Variants in DKC1 observed in about 807,000 individuals in gnomAD.
DKC1 encodes H/ACA ribonucleoprotein complex subunit DKC1.
In DKC1, 4 loss-of-function variants were observed where a neutral mutation model predicts 46.7. The ratio of observed to expected loss-of-function variants is 0.09; its 90% CI spans 0.04 to 0.20. The LOEUF (loss-of-function observed/expected upper bound fraction) is 0.20. DKC1 is among the 10% of genes least tolerant of loss of function. The probability of loss-of-function intolerance (pLI) is 1.00; values close to 1 mark genes in which losing one functional copy is unlikely to be tolerated. For missense variants in DKC1, 171 were observed against 404.2 expected, an observed-to-expected ratio of 0.42 and a Z score of 4.95; for synonymous variants, 141 against 142.4, an observed-to-expected ratio of 0.99 and a Z score of 0.07.
At chrX:154,765,335 C>T in intron 2 of DKC1, 109 bp from the exon 3 acceptor site, 1 of 658,804 alleles carries the variant, frequency 1.5e-6, no homozygotes, top group Non-Finnish European at 2.6e-6. Context: ...AGTGAAAAGG[C>T]ATAGGAAGCC....
At position 154,775,179 on chromosome X, in the gene DKC1, G is replaced by A; in HGVS notation, c.1260-16G>A. 8.3e-7 allele frequency: 1 copy of A among 1,207,285 alleles called. No homozygotes were observed. The highest frequency in any genetic ancestry group is 1.1e-6 in the Non-Finnish European group (1 of 891,245). ...AGCCATTCAGTGAATTTGACCTATTGCTACCTCTTTTTCAGTGAGTCTGCC... is the reference window on the plus strand; with the variant it reads ...AGCCATTCAGTGAATTTGACCTATTACTACCTCTTTTTCAGTGAGTCTGCC... On this transcript the variant is annotated splice_polypyrimidine_tract_variant and intron_variant, in intron 12 of 14. Transcript: ENST00000369550.
At position 154,776,281 on chromosome X, in the gene DKC1, A is replaced by C; in HGVS notation, c.1433A>C (p.Lys478Thr). 8.3e-7 allele frequency: 1 copy of C among 1,208,884 alleles called. No homozygotes were observed. Among genetic ancestry groups the C allele is most frequent in the Non-Finnish European group, 1.1e-6 (1 of 893,689 alleles). ...KEKKKSKKDK[K>T]AKAGLESGAE... is the part of the protein sequence containing the mutation. ...AAGAAGAAGAGTAAGAAGGACAAGA[A>C]GGCCAAAGCTGGTCTGGAGAGCGGG... Residue 478 changes from lysine to threonine, a missense_variant, in exon 14 of 15, where the codon AAG becomes ACG. Physicochemically the swap from Lys to Thr is moderately conservative, Grantham distance 78 (BLOSUM62 -1). Coordinates refer to ENST00000369550, the MANE Select transcript of DKC1 (RefSeq NM_001363.5).
At chrX:154,771,259 C>T (rs782443086) in intron 10 of DKC1, among the ~76,000 whole-genome samples, 3 of 99,207 alleles carry the variant, frequency 3.0e-5, no homozygotes, top group South Asian at 5.3e-4. Context: ...GACGTGACCT[C>T]GGCTCACTGC....
chrX:154,775,184 C>G lies in DKC1; in HGVS notation c.1260-11C>G. 1 of 1,209,926 alleles carries G rather than the reference C, an allele frequency of 8.3e-7. No individual in the cohort carries two copies. Among genetic ancestry groups the G allele is most frequent in the South Asian group, 1.8e-5 (1 of 56,986 alleles). On this transcript the variant is annotated splice_polypyrimidine_tract_variant and intron_variant, in intron 12 of 14. Coordinates refer to ENST00000369550, the MANE Select transcript of DKC1 (RefSeq NM_001363.5). Reference sequence around the variant, plus strand: ...TTCAGTGAATTTGACCTATTGCTACCTCTTTTTCAGTGAGTCTGCCAAAAA... The same window carrying G: ...TTCAGTGAATTTGACCTATTGCTACGTCTTTTTCAGTGAGTCTGCCAAAAA...
At chrX:154,776,073 C>A in intron 13 of DKC1, 114 bp from the exon 14 acceptor site, 1 of 964,572 alleles carries the variant, frequency 1.0e-6, no homozygotes, top group Non-Finnish European at 1.5e-6. Context: ...CAGAAAACGT[C>A]CTGTTAGATT....
At position 154,777,208 on chromosome X, in the gene DKC1, C is replaced by G. The variant is rs1167273506; in HGVS notation, c.*341C>G. ...AGTCCTAGTTTGCATTTTTTAAATCCCCTCTGTTTAAAAGGTTTGTAAAAC... is the reference window on the plus strand; with the variant it reads ...AGTCCTAGTTTGCATTTTTTAAATCGCCTCTGTTTAAAAGGTTTGTAAAAC... On this transcript the variant is annotated 3_prime_UTR_variant, in exon 15 of 15. Coordinates refer to ENST00000369550, the MANE Select transcript of DKC1 (RefSeq NM_001363.5). 6 of 190,568 alleles carry G rather than the reference C, an allele frequency of 3.1e-5. No individual in the cohort carries two copies. The highest frequency in any genetic ancestry group is 5.8e-5 in the Non-Finnish European group (6 of 103,030). 15.7% of individuals were successfully genotyped at this position (190,568 alleles called of 1,213,427 possible). A position where few individuals can be genotyped will look rare whatever the true frequency, so the allele number is the denominator to read the frequency against.
intron 9 of DKC1, 114 bp downstream of exon 9, chrX:154,769,424 T>C (rs923992932): frequency 1.4e-5 from 12 of 868,805 alleles, no homozygotes; most frequent in Non-Finnish European, 2.0e-5. Context: ...CCAAACCAAG[T>C]ATATTAATTT....
Position 154,767,519 on chromosome X carries a change from T to A in DKC1, c.640+137T>A, listed in dbSNP as rs193083517. The A allele has an allele frequency of 9.5e-5, 70 of 734,672 alleles. No individual in the cohort carries two copies. In the Middle Eastern group the frequency reaches 1.3e-3, roughly 13 times the overall value. The allele number at this position is 734,672 out of a possible 1,213,427, so 60.5% of individuals were successfully genotyped here. ...GGGATATTGTCTGTGGGCGATAGTT[T>A]TTGTTATCTTTTGTTGAAAAAGTGA... On this transcript the variant is annotated intron_variant, in intron 7 of 14. Transcript: ENST00000369550.
intron 7 of DKC1, 130 bp downstream of exon 7, chrX:154,767,512 G>A (rs1452351228): frequency 1.4e-5 from 11 of 798,328 alleles, no homozygotes; most frequent in Middle Eastern, 3.7e-4. Flanking sequence ...GTCTGTGGGC[G>A]ATAGTTTTTG....
intron 8 of DKC1, 63 bp downstream of exon 8, chrX:154,768,495 A>T (rs782250361): frequency 8.5e-7 from 1 of 1,181,367 alleles, no homozygotes. Flanking sequence ...CTTTGATGGC[A>T]CTCCACTTGC....
Position 154,777,002 on chromosome X carries a change from T to G in DKC1, c.*135T>G. On this transcript the variant is annotated 3_prime_UTR_variant, in exon 15 of 15. Transcript: ENST00000369550. ...TTCTGGCACATTTTAGCTGCTACTT[T>G]GAGACCTCGGTGATGTTACCTGGTG... is the stretch of plus-strand genomic sequence containing the variant. The G allele has an allele frequency of 4.0e-6, 2 of 501,180 alleles. No individual in the cohort carries two copies. Among genetic ancestry groups the G allele is most frequent in the Non-Finnish European group, 6.8e-6 (2 of 295,588 alleles). The allele number at this position is 501,180 out of a possible 1,213,427, so 41.3% of individuals were successfully genotyped here. A position where few individuals can be genotyped will look rare whatever the true frequency, so the allele number is the denominator to read the frequency against.
chrX:154,766,950 C>T (rs1369350445), intron 5 of DKC1, 47 bp from the exon 6 acceptor site: 28 of 1,142,924 alleles, frequency 2.4e-5, no homozygotes, highest in Non-Finnish European at 3.0e-5. Flanking sequence ...ATATGGAAAA[C>T]AGAAAACTCA....
Position 154,765,832 on chromosome X carries a change from A to G in DKC1, c.172-75A>G. 3.7e-6 allele frequency: 3 copies of G among 805,325 alleles called. No homozygotes were observed. In the South Asian group the frequency reaches 6.1e-5, roughly 16 times the overall value. The allele number at this position is 805,325 out of a possible 1,213,427, so 66.4% of individuals were successfully genotyped here. On this transcript the variant is annotated intron_variant, in intron 3 of 14. Coordinates refer to ENST00000369550, the MANE Select transcript of DKC1 (RefSeq NM_001363.5). ...AGACCTATGCCAGTTTGTGGGCCAC[A>G]TAGTGGTACTGACTCTTTTTTTACA...
intron 4 of DKC1, 107 bp downstream of exon 4, chrX:154,766,105 A>G: frequency 2.0e-6 from 2 of 1,000,635 alleles, no homozygotes; most frequent in East Asian, 6.1e-5. Context: ...TGTCTTGAAT[A>G]TATAACCTGT....
rs150045442 is a variant in DKC1, at chrX:154,770,467, TA to T, written c.916-270del. 0.019 allele frequency among the ~76,000 whole-genome samples: 1,270 copies of T among 67,739 alleles called. 34 individuals carry two copies. Among genetic ancestry groups the T allele is most frequent in the African/African-American group, 0.068 (1,162 of 17,179 alleles). 58.8% of individuals were successfully genotyped at this position (67,739 alleles called of 115,157 possible). ...ACAGAGGGAGGTTCTGCCTGAAAAT[TA>T]AAAAAAAAAAAAAAAAAAAAAGAAA... On this transcript the variant is annotated intron_variant, in intron 9 of 14. Coordinates refer to ENST00000369550, the MANE Select transcript of DKC1 (RefSeq NM_001363.5).
chrX:154,771,878 G>A (rs1011100105), intron 10 of DKC1, among the ~76,000 whole-genome samples: 1 of 112,152 alleles, frequency 8.9e-6, no homozygotes, highest in African/African-American at 3.2e-5. Flanking sequence ...ATACCCAGCA[G>A]TGGGATTGCT....
intron 12 of DKC1, 34 bp from the exon 13 acceptor site, chrX:154,775,161 C>T (rs1569558631): frequency 1.8e-5 from 21 of 1,168,153 alleles, no homozygotes; most frequent in Non-Finnish European, 2.2e-5. Context: ...GAAAGCCATT[C>T]AGTGAATTTG....
rs2071755148 is a variant in DKC1, at chrX:154,767,076, G to T, written c.513+15G>T. On this transcript the variant is annotated intron_variant, in intron 6 of 14. Coordinates refer to ENST00000369550, the MANE Select transcript of DKC1 (RefSeq NM_001363.5). ...AGCTTTCTAGGGTAAGTCTGCAATT[G>T]TAGGGAGGACACCCTTTGTTGACTT... 8.3e-7 allele frequency: 1 copy of T among 1,205,044 alleles called. No homozygotes were observed. The highest frequency in any genetic ancestry group is 1.7e-5 in the African/African-American group (1 of 57,692).
chrX:154,763,873 T>TA (rs2071711903), intron 1 of DKC1, among the ~76,000 whole-genome samples: 1 of 111,233 alleles, frequency 9.0e-6, no homozygotes, highest in African/African-American at 3.3e-5. Context: ...AAAAGGACAG[T>TA]AAAAATATAG....
Sources: allele counts gnomAD v4.1 joint callset (sites outside exome capture counted in the v4.1 genomes callset), GRCh38; gene constraint gnomAD v4.1.1; transcripts MANE v1.5; gene names NCBI Gene and HGNC (gene_info 2026-07-23, HGNC 2026-07-21).